Variants in FHIT observed in about 807,000 individuals in gnomAD.
FHIT encodes the protein fragile histidine triad diadenosine triphosphatase.
Under a neutral mutation model 17.9 loss-of-function variants are expected in FHIT, and 19 were observed. That is an observed-to-expected ratio of 1.06 (90% CI 0.74 to 1.56). The LOEUF is 1.56. FHIT is among the 40% of genes most tolerant of loss of function. The pLI is 0.00. For missense variants in FHIT, 248 were observed against 189.2 expected (o/e 1.31, Z -1.82); for synonymous variants, 81 against 69.7 (o/e 1.16, Z -0.81).
intron 5 of FHIT, among the ~76,000 whole-genome samples, chr3:60,224,305 CCAACCTG>C (rs1171500006): frequency 6.6e-6 from 1 of 151,988 alleles, no homozygotes; most frequent in Middle Eastern, 3.2e-3. Flanking sequence ...GAAAACTGTC[CCAACCTG>C]ATCCTGATGC....
intron 5 of FHIT, among the ~76,000 whole-genome samples, chr3:60,505,481 C>A (rs1226036420): frequency 5.9e-5 from 9 of 152,170 alleles, no homozygotes; most frequent in Non-Finnish European, 5.9e-5. Flanking sequence ...CCTAAAACTT[C>A]TTTTAAAACA....
At chr3:59,945,111 A>G (rs1308902162) in intron 7 of FHIT, among the ~76,000 whole-genome samples, 3 of 152,186 alleles carry the variant, frequency 2.0e-5, no homozygotes, top group African/African-American at 4.8e-5. Flanking sequence ...AACCTTCCAC[A>G]ATGGCTGAGC....
chr3:60,786,371 A>G (rs1475115219), intron 4 of FHIT, among the ~76,000 whole-genome samples: 2 of 152,236 alleles, frequency 1.3e-5, no homozygotes, highest in Admixed American at 1.3e-4. Context: ...TGATATCTTA[A>G]AACAAAATTT....
rs948337664 is a variant in FHIT at position 59,748,736 on chromosome 3, T to G, written c.*849A>C. Among the ~76,000 whole-genome samples the G allele has an allele frequency of 6.6e-6, 1 of 152,042 alleles. No individual in the cohort carries two copies. Among genetic ancestry groups the G allele is most frequent in the Non-Finnish European group, 1.5e-5 (1 of 68,002 alleles). ...CAGACTAAGAGAATGGCCTTTAGGG[T>G]GGGACTGCCTGGATTCAAATCTGAG... On this transcript the variant is annotated 3_prime_UTR_variant, in exon 10 of 10. Coordinates refer to ENST00000492590, the MANE Select transcript of FHIT (RefSeq NM_002012.4).
intron 5 of FHIT, among the ~76,000 whole-genome samples, chr3:60,147,481 C>T (rs543157299): frequency 8.9e-4 from 136 of 152,268 alleles, no homozygotes; most frequent in African/African-American, 3.0e-3. Context: ...CTCCCACCTC[C>T]GCCACCGTGG....
chr3:60,566,505 C>T (rs1420828999), intron 4 of FHIT, among the ~76,000 whole-genome samples: 2 of 152,236 alleles, frequency 1.3e-5, no homozygotes, highest in Admixed American at 6.5e-5. Context: ...CAATATTATA[C>T]TGAATGGGCA....
chr3:61,114,179 T>C (rs1576039100), intron 2 of FHIT, among the ~76,000 whole-genome samples: 1 of 152,170 alleles, frequency 6.6e-6, no homozygotes, highest in African/African-American at 2.4e-5. Context: ...ATTATTATTA[T>C]AACTGAACAT....
At chr3:61,158,249 C>T (rs11130820) in intron 2 of FHIT, among the ~76,000 whole-genome samples, 58,406 of 151,952 alleles carry the variant, frequency 0.38, 11,564 homozygotes, top group East Asian at 0.58. Flanking sequence ...CAAATGTCAC[C>T]ACGCAGTAGA....
chr3:60,573,809 CT>C (rs112894966), intron 4 of FHIT, among the ~76,000 whole-genome samples: 60 of 147,570 alleles, frequency 4.1e-4, no homozygotes, highest in East Asian at 9.9e-4. Flanking sequence ...GTCTTGTGTA[CT>C]TTTTTTTTTT....
At chr3:60,357,992 G>C (rs367598943) in intron 5 of FHIT, among the ~76,000 whole-genome samples, 3 of 152,234 alleles carry the variant, frequency 2.0e-5, no homozygotes, top group African/African-American at 7.2e-5. Context: ...TTAGAAGTTC[G>C]AACTATAGAC....
chr3:60,335,485 C>T (rs942908799), intron 5 of FHIT, among the ~76,000 whole-genome samples: 2 of 152,172 alleles, frequency 1.3e-5, no homozygotes, highest in Non-Finnish European at 2.9e-5. Context: ...AAACAACCCA[C>T]ATAAATTCAA....
chr3:61,025,076 T>C (rs545345403), intron 3 of FHIT, among the ~76,000 whole-genome samples: 1 of 152,296 alleles, frequency 6.6e-6, no homozygotes, highest in South Asian at 2.1e-4. Flanking sequence ...CTATATAGCT[T>C]GCCTACCTTA....
At chr3:60,726,545 C>T (rs1258726124) in intron 4 of FHIT, among the ~76,000 whole-genome samples, 2 of 152,038 alleles carry the variant, frequency 1.3e-5, no homozygotes, top group Admixed American at 6.5e-5. Flanking sequence ...AAAATGTAGA[C>T]GAGATAAGCA....
chr3:60,840,690 G>C (rs1183919627), intron 3 of FHIT, among the ~76,000 whole-genome samples: 1 of 152,068 alleles, frequency 6.6e-6, no homozygotes, highest in Non-Finnish European at 1.5e-5. Flanking sequence ...TTCTTTTTCT[G>C]TATTGCCTTG....
At chr3:60,281,449 C>T (rs545899818) in intron 5 of FHIT, among the ~76,000 whole-genome samples, 4 of 152,124 alleles carry the variant, frequency 2.6e-5, no homozygotes, top group South Asian at 4.2e-4. Context: ...AAAGCTACAG[C>T]GATCAAGACA....
intron 5 of FHIT, among the ~76,000 whole-genome samples, chr3:60,474,735 T>C (rs1232235322): frequency 6.6e-6 from 1 of 152,038 alleles, no homozygotes; most frequent in South Asian, 2.1e-4. Flanking sequence ...GAGATTCTCC[T>C]GCCTCAGCCT....
At chr3:60,067,404 T>C (rs1702564870) in intron 5 of FHIT, among the ~76,000 whole-genome samples, 1 of 152,138 alleles carries the variant, frequency 6.6e-6, no homozygotes. Context: ...ATATATATCC[T>C]TTCCCCTAAA....
At chr3:60,236,304 G>A (rs1044760318) in intron 5 of FHIT, among the ~76,000 whole-genome samples, 1 of 148,654 alleles carries the variant, frequency 6.7e-6, no homozygotes, top group Non-Finnish European at 1.5e-5. Context: ...GACAAAGATA[G>A]CATCTCATTT....
chr3:59,793,336 C>T (rs1459430759), intron 8 of FHIT, among the ~76,000 whole-genome samples: 1 of 152,138 alleles, frequency 6.6e-6, no homozygotes, highest in Non-Finnish European at 1.5e-5. Flanking sequence ...ATGAAACAGC[C>T]TTACCACAGG....
Sources: allele counts gnomAD v4.1 joint callset (sites outside exome capture counted in the v4.1 genomes callset), GRCh38; gene constraint gnomAD v4.1.1; transcripts MANE v1.5; gene names NCBI Gene and HGNC (gene_info 2026-07-23, HGNC 2026-07-21).